The following AKT3 variants were observed in gnomAD, a reference collection of about 807,000 sequenced individuals.
AKT3 encodes the protein AKT serine/threonine kinase 3, also known as RAC-gamma serine/threonine-protein kinase.
AKT3 carries 15 observed loss-of-function variants against 65.3 expected under a neutral mutation model. The observed-to-expected ratio is 0.23, with a 90% confidence interval of 0.15 to 0.35. The LOEUF (loss-of-function observed/expected upper bound fraction) is 0.35, where lower values mean the gene tolerates loss of function less well. AKT3 is among the 10% of genes least tolerant of loss of function. The pLI is 1.00. For synonymous variants in AKT3, 206 were observed against 183.8 expected (o/e 1.12, Z -0.98); for missense variants, 243 against 576.5 (o/e 0.42, Z 5.92).
chr1:243,770,659 C>T (rs1341739371), intron 2 of AKT3, among the ~76,000 whole-genome samples: 2 of 151,006 alleles, frequency 1.3e-5, no homozygotes, highest in African/African-American at 2.4e-5. Flanking sequence ...CCTTTCCAGA[C>T]AGCTGTTTCT....
At position 243,547,535 on chromosome 1, in the gene AKT3, G is replaced by A. The variant is rs189054249; in HGVS notation, c.1164-1938C>T. Among the ~76,000 whole-genome samples, 14 of 152,190 alleles carry A rather than the reference G, an allele frequency of 9.2e-5. No individual in the cohort carries two copies. The East Asian group carries it at 2.1e-3, about 23-fold the overall frequency. On this transcript the variant is annotated intron_variant, in intron 11 of 13. Coordinates refer to ENST00000673466, the MANE Select transcript of AKT3 (RefSeq NM_005465.7). ...CAGATGCTCCTAAACTTAATGATGG[G>A]TTATGTCTAGATAAGCCCACATTTC... is the stretch of plus-strand genomic sequence containing the variant.
intron 2 of AKT3, chr1:243,814,583 T>A (rs928368053): frequency 6.6e-6 from 1 of 152,150 alleles, no homozygotes; most frequent in African/African-American, 2.4e-5. Flanking sequence ...TCCTAACAAT[T>A]CATGACCTTT....
At chr1:243,597,996 A>G (rs1425857154) in intron 8 of AKT3, among the ~76,000 whole-genome samples, 1 of 152,228 alleles carries the variant, frequency 6.6e-6, no homozygotes. Flanking sequence ...AAAGGTTTCA[A>G]ATAAATGTAC....
At position 243,623,029 on chromosome 1, in the gene AKT3, C is replaced by A. The variant is rs140706783; in HGVS notation, c.562-7868G>T. ...CAAAAAAGTCAGTCTTCAGAACTGG[C>A]GCCGTTGGCCAACTCCTGGGAAATG... On this transcript the variant is annotated intron_variant, in intron 6 of 13. Coordinates refer to ENST00000673466, the MANE Select transcript of AKT3 (RefSeq NM_005465.7). Among the ~76,000 whole-genome samples, 224 of 152,316 alleles carry A rather than the reference C, an allele frequency of 1.5e-3. 1 individual carries two copies. The highest frequency in any genetic ancestry group is 0.012 in the South Asian group (57 of 4,824).
chr1:243,496,182 G>A (rs1667807329), downstream of AKT3, among the ~76,000 whole-genome samples: 1 of 152,230 alleles, frequency 6.6e-6, no homozygotes, highest in Admixed American at 6.5e-5. Context: ...GAAATGAAGT[G>A]AATGGAATTG....
At chr1:243,523,853 T>C (rs532012743) in intron 12 of AKT3, among the ~76,000 whole-genome samples, 65 of 152,366 alleles carry the variant, frequency 4.3e-4, no homozygotes, top group Non-Finnish European at 6.6e-4. Context: ...GACTTTATCT[T>C]AGCTATCTCT....
chr1:243,673,470 A>G (rs1683289477), intron 3 of AKT3, among the ~76,000 whole-genome samples: 1 of 152,308 alleles, frequency 6.6e-6, no homozygotes, highest in Non-Finnish European at 1.5e-5. Flanking sequence ...TAGTGGCATA[A>G]AACTCCATTG....
chr1:243,676,631 T>A (rs182690313), intron 3 of AKT3, among the ~76,000 whole-genome samples: 1 of 152,370 alleles, frequency 6.6e-6, no homozygotes, highest in Admixed American at 6.5e-5. Flanking sequence ...AAAATTACTA[T>A]ACCAGTACAG....
chr1:243,720,873 A>G (rs1055384290), intron 2 of AKT3, among the ~76,000 whole-genome samples: 2 of 152,162 alleles, frequency 1.3e-5, no homozygotes, highest in Non-Finnish European at 2.9e-5. Flanking sequence ...CTTTTAAAGT[A>G]CTTGCCACAC....
chr1:243,741,346 T>A (rs1688143532), intron 2 of AKT3, among the ~76,000 whole-genome samples: 1 of 152,202 alleles, frequency 6.6e-6, no homozygotes, highest in African/African-American at 2.4e-5. Flanking sequence ...TAATAAATAA[T>A]TATTCCAATA....
intron 2 of AKT3, among the ~76,000 whole-genome samples, chr1:243,769,487 T>C (rs1213505236): frequency 6.6e-6 from 1 of 152,194 alleles, no homozygotes; most frequent in Non-Finnish European, 1.5e-5. Flanking sequence ...TTTACAGACA[T>C]CCTAATAGGT....
intron 6 of AKT3, among the ~76,000 whole-genome samples, chr1:243,616,059 A>AT (rs998210926): frequency 3.3e-5 from 5 of 150,622 alleles, no homozygotes; most frequent in Admixed American, 6.6e-5. Context: ...GGTGTTACAC[A>AT]TTTTTTTTTA....
chr1:243,675,299 A>G (rs1293014048), intron 3 of AKT3, among the ~76,000 whole-genome samples: 1 of 152,176 alleles, frequency 6.6e-6, no homozygotes, highest in East Asian at 1.9e-4. Flanking sequence ...TCCTGGGCTC[A>G]CGCCATTCTC....
At chr1:243,489,016 T>C in intron 13 of AKT3, 2 of 1,613,372 alleles carry the variant, frequency 1.2e-6, no homozygotes, top group Non-Finnish European at 1.7e-6. Flanking sequence ...TTCTCCAGGC[T>C]AAGGCAGCTG....
intron 2 of AKT3, among the ~76,000 whole-genome samples, chr1:243,726,076 T>C (rs1420958622): frequency 7.1e-6 from 1 of 140,348 alleles, no homozygotes; most frequent in African/African-American, 2.8e-5. Flanking sequence ...CCAACATTAA[T>C]GTCTAGTATG....
At chr1:243,706,734 G>A (rs1415918787) in intron 2 of AKT3, among the ~76,000 whole-genome samples, 1 of 152,178 alleles carries the variant, frequency 6.6e-6, no homozygotes, top group African/African-American at 2.4e-5. Flanking sequence ...AGGAAGAAAA[G>A]GAAACATGAA....
intron 2 of AKT3, among the ~76,000 whole-genome samples, chr1:243,803,955 T>G (rs1278381747): frequency 6.6e-6 from 1 of 152,218 alleles, no homozygotes; most frequent in Non-Finnish European, 1.5e-5. Flanking sequence ...CGTGATGACG[T>G]TGCCCTGAGG....
chr1:243,826,400 C>T (rs1694171745), intron 2 of AKT3, among the ~76,000 whole-genome samples: 1 of 152,212 alleles, frequency 6.6e-6, no homozygotes. Context: ...TTTACTCTTG[C>T]CATCTCCCGC....
intron 9 of AKT3, among the ~76,000 whole-genome samples, 182 bp downstream of exon 9, chr1:243,572,744 C>A (rs1007758547): frequency 6.6e-6 from 1 of 152,138 alleles, no homozygotes; most frequent in Non-Finnish European, 1.5e-5. Flanking sequence ...ACACATAAAT[C>A]AACTACATAC....
Sources: gnomAD v4.1 joint callset for allele counts (sites outside exome capture counted in the v4.1 genomes callset) on GRCh38, gnomAD v4.1.1 for gene constraint, MANE v1.5 for transcripts, NCBI Gene and HGNC (gene_info 2026-07-23, HGNC 2026-07-21) for gene names.